OMA1: variants seen among roughly 807,000 people sequenced by gnomAD.
OMA1 encodes the protein metalloendopeptidase OMA1, mitochondrial.
In OMA1, 38 loss-of-function variants were observed where a neutral mutation model predicts 30.9. The observed-to-expected ratio is 1.23, with a 90% CI of 0.95 to 1.61. The LOEUF (loss-of-function observed/expected upper bound fraction) is 1.61, where lower values mean the gene tolerates loss of function less well. Ranked by LOEUF, OMA1 falls within the 40% of genes most tolerant of loss-of-function variation. The pLI is 0.00. For missense variants in OMA1, 461 were observed against 349.2 expected, an observed-to-expected ratio of 1.32 and a Z score of -2.55; for synonymous variants, 173 against 121.9, an observed-to-expected ratio of 1.42 and a Z score of -2.76.
intron 7 of OMA1, among the ~76,000 whole-genome samples, chr1:58,522,101 A>C (rs1646274037): frequency 6.6e-6 from 1 of 152,222 alleles, no homozygotes; most frequent in Non-Finnish European, 1.5e-5. Flanking sequence ...TTTAAAAAAA[A>C]TTAATGTAAT....
At chr1:58,546,421 T>C (rs913571482) in intron 1 of OMA1, among the ~76,000 whole-genome samples, 2 of 151,964 alleles carry the variant, frequency 1.3e-5, no homozygotes, top group Non-Finnish European at 2.9e-5. Flanking sequence ...ACACACGGGG[T>C]CACCGGCGTG....
chr1:58,483,922 A>G (rs1033191926), intron 8 of OMA1, among the ~76,000 whole-genome samples: 6 of 152,206 alleles, frequency 3.9e-5, no homozygotes, highest in Non-Finnish European at 8.8e-5. Context: ...TAAGCACTGC[A>G]CTGGCATCAG....
chr1:58,491,009 A>G (rs1273639822), intron 8 of OMA1, among the ~76,000 whole-genome samples: 1 of 151,398 alleles, frequency 6.6e-6, no homozygotes, highest in Non-Finnish European at 1.5e-5. Context: ...GGGTTTCACC[A>G]TGTTAGCCAG....
chr1:58,493,657 C>T (rs1202529757), intron 8 of OMA1, among the ~76,000 whole-genome samples: 1 of 151,538 alleles, frequency 6.6e-6, no homozygotes, highest in Non-Finnish European at 1.5e-5. Context: ...TGAGTGAACT[C>T]CCATTCACAA....
chr1:58,514,542 G>C (rs773049810), intron 7 of OMA1, among the ~76,000 whole-genome samples: 11 of 152,096 alleles, frequency 7.2e-5, no homozygotes, highest in Non-Finnish European at 1.3e-4. Flanking sequence ...GACACTGAAT[G>C]AATCTGAATC....
chr1:58,535,183 G>C (rs1646496713), intron 3 of OMA1, among the ~76,000 whole-genome samples: 1 of 152,160 alleles, frequency 6.6e-6, no homozygotes, highest in Admixed American at 6.6e-5. Flanking sequence ...ATTAAGACTA[G>C]CCACCACAGA....
At chr1:58,491,751 C>T (rs976787232) in intron 8 of OMA1, among the ~76,000 whole-genome samples, 12 of 152,098 alleles carry the variant, frequency 7.9e-5, no homozygotes, top group Non-Finnish European at 1.6e-4. Flanking sequence ...ACAGGAGCAC[C>T]CAGATTCATA....
At chr1:58,488,085 A>G (rs554806201) in intron 8 of OMA1, among the ~76,000 whole-genome samples, 30 of 152,236 alleles carry the variant, frequency 2.0e-4, no homozygotes, top group African/African-American at 6.0e-4. Context: ...TTTTTCTAAT[A>G]TAGACATTTA....
At chr1:58,517,016 G>C (rs1646167916) in intron 7 of OMA1, among the ~76,000 whole-genome samples, 1 of 152,126 alleles carries the variant, frequency 6.6e-6, no homozygotes, top group African/African-American at 2.4e-5. Context: ...AAGAAGTCAA[G>C]GGAGTCTGAT....
intron 7 of OMA1, among the ~76,000 whole-genome samples, chr1:58,521,509 A>T (rs1646264163): frequency 6.6e-6 from 1 of 152,088 alleles, no homozygotes; most frequent in South Asian, 2.1e-4. Flanking sequence ...TTTTGAAAAG[A>T]TTGATGAAAG....
At chr1:58,486,015 A>C (rs1313497572) in intron 8 of OMA1, among the ~76,000 whole-genome samples, 1 of 152,212 alleles carries the variant, frequency 6.6e-6, no homozygotes, top group Non-Finnish European at 1.5e-5. Context: ...CAGCCTAAAG[A>C]CTACAACTAT....
At position 58,500,643 on chromosome 1, in the gene OMA1, C is replaced by T. The variant is rs149492521; in HGVS notation, c.1365+5417G>A. On this transcript the variant is annotated intron_variant, in intron 8 of 8. Transcript: ENST00000371226. ...AAGCCAGTATTGAAAGCTCTAAAAACATTTAAAAATATATCCTATTCAAAT... is the reference window on the plus strand; with the variant it reads ...AAGCCAGTATTGAAAGCTCTAAAAATATTTAAAAATATATCCTATTCAAAT... Among the ~76,000 whole-genome samples, 550 of 152,204 alleles carry T rather than the reference C, an allele frequency of 3.6e-3. 5 individuals carry two copies. The highest frequency in any genetic ancestry group is 0.025 in the Admixed American group (379 of 15,282).
rs776579533 is a variant in OMA1, at chr1:58,480,997, TTAATGG to T, written c.1537_1542del (p.Pro513_Leu514del). ...CCCGTTCTTTTCTCAACTATGTATG[TTAATGG>T]TATTTGCTCCTGTTTTTGAATAGGA... is the stretch of plus-strand genomic sequence containing the variant. On this transcript the variant is annotated inframe_deletion, in exon 9 of 9. Coordinates refer to ENST00000371226, the MANE Select transcript of OMA1 (RefSeq NM_145243.5). The T allele has an allele frequency of 2.3e-6, 2 of 871,272 alleles. No individual in the cohort carries two copies. The highest frequency in any genetic ancestry group is 4.0e-6 in the Non-Finnish European group (2 of 501,042). The allele number at this position is 871,272 out of a possible 1,614,324, so 54.0% of individuals were successfully genotyped here.
In OMA1 at chr1:58,546,705, A is replaced by C. The variant is rs1320536009; in HGVS notation, c.-19T>G. ...AAAGCGTCACCGTGAGGACTGACTC[A>C]AGCAGAAGCGAAAGCGGTGACACCG... On this transcript the variant is annotated splice_region_variant and 5_prime_UTR_variant, in exon 1 of 9. Coordinates refer to ENST00000371226, the MANE Select transcript of OMA1 (RefSeq NM_145243.5). The C allele has an allele frequency of 1.3e-5, 2 of 152,186 alleles. No homozygotes were observed. The highest frequency in any genetic ancestry group is 3.9e-4 in the East Asian group (2 of 5,144). The allele number at this position is 152,186 out of a possible 1,614,324, so 9.4% of individuals were successfully genotyped here. A position where few individuals can be genotyped will look rare whatever the true frequency, so the allele number is the denominator to read the frequency against.
intron 7 of OMA1, among the ~76,000 whole-genome samples, chr1:58,508,263 T>C (rs569021174): frequency 1.8e-4 from 27 of 152,328 alleles, no homozygotes; most frequent in Admixed American, 6.5e-4. Flanking sequence ...TAAAGTCAGA[T>C]AATTTTGTTT....
intron 1 of OMA1, among the ~76,000 whole-genome samples, chr1:58,546,159 T>C (rs529712582): frequency 6.6e-6 from 1 of 152,362 alleles, no homozygotes; most frequent in Non-Finnish European, 1.5e-5. Context: ...TCCCCGGAAC[T>C]GCTTAGACGG....
chr1:58,540,871 T>C lies in OMA1; in HGVS notation c.-16-1561A>G, dbSNP rs575310041. ...AGTTTTCCAAACTTGATGAAAATTA[T>C]AAAACCACAAATTCAAAAAGTTTAA... On this transcript the variant is annotated intron_variant, in intron 1 of 8. Transcript: ENST00000371226. Among the ~76,000 whole-genome samples, 10 of 150,216 alleles carry C rather than the reference T, an allele frequency of 6.7e-5. No homozygotes were observed. The South Asian group carries it at 1.7e-3, about 25-fold the overall frequency.
At chr1:58,481,661 A>G (rs1283725088) in intron 8 of OMA1, among the ~76,000 whole-genome samples, 1 of 152,066 alleles carries the variant, frequency 6.6e-6, no homozygotes, top group East Asian at 1.9e-4. Context: ...GTCTCCACCC[A>G]AATCTCATCT....
intron 8 of OMA1, among the ~76,000 whole-genome samples, chr1:58,493,200 T>C (rs1430105556): frequency 3.3e-5 from 5 of 151,928 alleles, no homozygotes; most frequent in African/African-American, 1.2e-4. Context: ...GAAAAGGCCT[T>C]TGACAAAATT....
Sources: allele counts gnomAD v4.1 joint callset (sites outside exome capture counted in the v4.1 genomes callset), GRCh38; gene constraint gnomAD v4.1.1; transcripts MANE v1.5; gene names NCBI Gene and HGNC (gene_info 2026-07-23, HGNC 2026-07-21).